RFC3: variants seen among roughly 807,000 people sequenced by gnomAD.
RFC3 encodes replication factor C subunit 3, also known as A1 38 kDa subunit.
Under a neutral mutation model 45.1 loss-of-function variants are expected in RFC3, and 41 were observed. The observed-to-expected ratio is 0.91, with a 90% CI of 0.71 to 1.18. RFC3 has a LOEUF of 1.18. Among genes scored for constraint, RFC3 ranks in the 50% most tolerant of loss-of-function variants. The pLI is 0.00. For synonymous variants in RFC3, 149 were observed against 144.0 expected (o/e 1.03, Z -0.25); for missense variants, 423 against 428.1 (o/e 0.99, Z 0.10).
At chr13:33,840,459 A>G (rs941940319), downstream of RFC3, among the ~76,000 whole-genome samples, 3 of 151,978 alleles carry the variant, frequency 2.0e-5, no homozygotes, top group South Asian at 2.1e-4. Flanking sequence ...ATCTGTTTCT[A>G]TTGACTGATA....
At chr13:33,949,432 A>G (rs947817622) in intron 8 of RFC3, among the ~76,000 whole-genome samples, 4 of 152,244 alleles carry the variant, frequency 2.6e-5, no homozygotes, top group African/African-American at 9.6e-5. Flanking sequence ...ATCAGCAATT[A>G]GAAAGCTAAA....
intron 8 of RFC3, among the ~76,000 whole-genome samples, chr13:33,933,837 G>T (rs1054351963): frequency 6.6e-6 from 1 of 151,848 alleles, no homozygotes; most frequent in Non-Finnish European, 1.5e-5. Context: ...AAAATTTGGG[G>T]TTTTAAAGTT....
intron 8 of RFC3, among the ~76,000 whole-genome samples, chr13:33,883,589 A>G (rs1453115315): frequency 2.0e-5 from 3 of 152,184 alleles, no homozygotes; most frequent in Non-Finnish European, 4.4e-5. Context: ...ATCACTATCA[A>G]TATCCTGGTT....
chr13:33,930,627 G>T (rs1459209313), intron 8 of RFC3, among the ~76,000 whole-genome samples: 1 of 152,044 alleles, frequency 6.6e-6, no homozygotes, highest in Non-Finnish European at 1.5e-5. Context: ...ATAATACTTT[G>T]CATCCTTCAA....
chr13:33,881,381 G>GA (rs1329949039), intron 8 of RFC3, among the ~76,000 whole-genome samples: 4 of 152,130 alleles, frequency 2.6e-5, no homozygotes, highest in African/African-American at 9.7e-5. Flanking sequence ...CATTGTTGTA[G>GA]GCTCTGTGAT....
At chr13:33,868,836 G>A (rs1197035940) in intron 8 of RFC3, among the ~76,000 whole-genome samples, 1 of 152,214 alleles carries the variant, frequency 6.6e-6, no homozygotes, top group African/African-American at 2.4e-5. Flanking sequence ...GAACCTGGAT[G>A]ACTCAAAGTC....
In RFC3 at chr13:33,933,914, G is replaced by A. The variant is rs1342079293; in HGVS notation, c.880-32173G>A. On this transcript the variant is annotated intron_variant, in intron 8 of 8. Coordinates refer to the RFC3 transcript ENST00000434425. ...AATGTGAGAGTAACAGGAGACTGCA[G>A]GATTGGGGGAGGGAGATGAATGGTA... is the stretch of plus-strand genomic sequence containing the variant. Among the ~76,000 whole-genome samples the A allele has an allele frequency of 2.0e-5, 3 of 151,920 alleles. No homozygotes were observed. In the East Asian group the frequency reaches 5.8e-4, roughly 29 times the overall value.
At chr13:33,910,912 T>C in intron 8 of RFC3, among the ~76,000 whole-genome samples, 1 of 151,668 alleles carries the variant, frequency 6.6e-6, no homozygotes, top group East Asian at 1.9e-4. Context: ...CACACACTTT[T>C]AAACAACCAG....
At chr13:33,928,298 C>T (rs2082828676) in intron 8 of RFC3, among the ~76,000 whole-genome samples, 1 of 151,934 alleles carries the variant, frequency 6.6e-6, no homozygotes, top group Admixed American at 6.6e-5. Flanking sequence ...AAGTACTACG[C>T]AAAAATAGGG....
At chr13:33,970,029 A>G (rs1229894976), downstream of RFC3, among the ~76,000 whole-genome samples, 2 of 151,628 alleles carry the variant, frequency 1.3e-5, no homozygotes, top group Non-Finnish European at 2.9e-5. Context: ...ATCACCCCAT[A>G]ACCTAGGTAT....
chr13:33,929,767 A>G (rs1326893342), intron 8 of RFC3, among the ~76,000 whole-genome samples: 1 of 151,984 alleles, frequency 6.6e-6, no homozygotes, highest in Non-Finnish European at 1.5e-5. Flanking sequence ...AATTTTCTGA[A>G]CTTTCCCCTA....
chr13:33,824,376 C>T (rs1167711243), intron 3 of RFC3, among the ~76,000 whole-genome samples: 1 of 152,100 alleles, frequency 6.6e-6, no homozygotes, highest in African/African-American at 2.4e-5. Flanking sequence ...TTCTTTGTCA[C>T]TCTCTTTGTT....
chr13:33,911,347 G>T (rs1292936233), intron 8 of RFC3, among the ~76,000 whole-genome samples: 3 of 152,064 alleles, frequency 2.0e-5, no homozygotes, highest in Non-Finnish European at 2.9e-5. Context: ...ATGTAGAGAA[G>T]TTTGTGTCAG....
chr13:33,953,857 C>T (rs1382832897), intron 8 of RFC3, among the ~76,000 whole-genome samples: 1 of 152,092 alleles, frequency 6.6e-6, no homozygotes, highest in African/African-American at 2.4e-5. Context: ...AAACTAAAAA[C>T]CTACTTGGAG....
chr13:33,841,832 G>A (rs1026826640), downstream of RFC3, among the ~76,000 whole-genome samples: 1 of 152,128 alleles, frequency 6.6e-6, no homozygotes, highest in Non-Finnish European at 1.5e-5. Flanking sequence ...GATATTTCTA[G>A]GGTCTCTACT....
At chr13:33,948,120 G>A (rs964464000) in intron 8 of RFC3, among the ~76,000 whole-genome samples, 4 of 152,188 alleles carry the variant, frequency 2.6e-5, no homozygotes, top group African/African-American at 7.2e-5. Context: ...CACAGACCGA[G>A]ACCTAAGAGG....
chr13:33,951,039 C>CTTTTTTTTTTTTT (rs926664684), intron 8 of RFC3, among the ~76,000 whole-genome samples: 2 of 60,816 alleles, frequency 3.3e-5, no homozygotes, highest in Non-Finnish European at 5.8e-5. Flanking sequence ...TCTGATGGCT[C>CTTTTTTTTTTTTT]TTTTTTTTTT....
At chr13:33,934,380 A>T (rs1472705507) in intron 8 of RFC3, among the ~76,000 whole-genome samples, 1 of 152,014 alleles carries the variant, frequency 6.6e-6, no homozygotes, top group Non-Finnish European at 1.5e-5. Flanking sequence ...AAGGAAGGTG[A>T]TAAGGGCACA....
At chr13:33,900,833 C>CAAAAAAA (rs56329636) in intron 8 of RFC3, among the ~76,000 whole-genome samples, 1 of 140,860 alleles carries the variant, frequency 7.1e-6, no homozygotes. Flanking sequence ...AACTGAATAG[C>CAAAAAAA]AAAAAAAAAA....
Sources: allele counts gnomAD v4.1 joint callset (sites outside exome capture counted in the v4.1 genomes callset), GRCh38; gene constraint gnomAD v4.1.1; transcripts MANE v1.5; gene names NCBI Gene and HGNC (gene_info 2026-07-23, HGNC 2026-07-21).